PTPRM: variants seen among roughly 807,000 people sequenced by gnomAD.
PTPRM encodes receptor-type tyrosine-protein phosphatase mu.
In PTPRM, 47 loss-of-function variants were observed where a neutral mutation model predicts 186.7. The observed-to-expected ratio is 0.25, with a 90% CI of 0.20 to 0.32. The LOEUF (loss-of-function observed/expected upper bound fraction) is 0.32. Ranked by LOEUF, PTPRM falls within the 10% of genes least tolerant of loss-of-function variation. The probability of loss-of-function intolerance (pLI) is 1.00; values close to 1 mark genes in which losing one functional copy is unlikely to be tolerated. For missense variants in PTPRM, 1,494 were observed against 1,865.0 expected (o/e 0.80, Z 3.66); for synonymous variants, 668 against 674.9 (o/e 0.99, Z 0.16).
intron 2 of PTPRM, among the ~76,000 whole-genome samples, chr18:7,848,286 T>C (rs1288066048): frequency 6.6e-6 from 1 of 152,232 alleles, no homozygotes; most frequent in Non-Finnish European, 1.5e-5. Context: ...GCCAGGCAGC[T>C]GTAAGAGATT....
At chr18:7,959,647 T>G (rs2053539786) in intron 7 of PTPRM, among the ~76,000 whole-genome samples, 3 of 152,218 alleles carry the variant, frequency 2.0e-5, no homozygotes, top group South Asian at 4.1e-4. Flanking sequence ...AAGCTCTCCA[T>G]GCAAGACCTT....
intron 4 of PTPRM, among the ~76,000 whole-genome samples, chr18:7,911,431 T>C (rs2050258358): frequency 6.6e-6 from 1 of 152,248 alleles, no homozygotes; most frequent in Admixed American, 6.5e-5. Context: ...ATAGCCATCC[T>C]TGTGGGTTTC....
intron 14 of PTPRM, among the ~76,000 whole-genome samples, chr18:8,212,510 A>T (rs2094020359): frequency 6.6e-6 from 1 of 152,224 alleles, no homozygotes; most frequent in Non-Finnish European, 1.5e-5. Flanking sequence ...AGAAATTATA[A>T]AATTATCTAT....
intron 14 of PTPRM, among the ~76,000 whole-genome samples, chr18:8,183,599 A>T (rs1325013279): frequency 2.6e-5 from 4 of 152,166 alleles, no homozygotes; most frequent in Non-Finnish European, 5.9e-5. Flanking sequence ...GCAGGAATAT[A>T]TGTATTGAGT....
intron 7 of PTPRM, among the ~76,000 whole-genome samples, chr18:8,016,165 G>A (rs2084844604): frequency 6.6e-6 from 1 of 152,160 alleles, no homozygotes; most frequent in Admixed American, 6.5e-5. Flanking sequence ...GGAAGAAAAT[G>A]GGTGATCAAG....
chr18:8,028,038 G>A (rs963701836), intron 7 of PTPRM, among the ~76,000 whole-genome samples: 3 of 152,000 alleles, frequency 2.0e-5, no homozygotes, highest in African/African-American at 7.3e-5. Flanking sequence ...GTCTCACCCT[G>A]TCACCCAGGC....
intron 2 of PTPRM, among the ~76,000 whole-genome samples, chr18:7,822,040 A>G (rs903589515): frequency 6.6e-6 from 1 of 152,234 alleles, no homozygotes; most frequent in Non-Finnish European, 1.5e-5. Flanking sequence ...TTATAAATAT[A>G]GCTGCTTAAG....
intron 19 of PTPRM, among the ~76,000 whole-genome samples, chr18:8,281,595 T>G (rs1428073549): frequency 1.3e-5 from 2 of 152,138 alleles, no homozygotes; most frequent in Admixed American, 6.6e-5. Flanking sequence ...CTCAACTCTT[T>G]CCGCAACCCT....
intron 3 of PTPRM, among the ~76,000 whole-genome samples, chr18:7,896,249 G>A (rs539780259): frequency 3.3e-5 from 5 of 152,042 alleles, no homozygotes; most frequent in East Asian, 1.9e-4. Flanking sequence ...TCATGTACTC[G>A]CCCTTTTGCT....
rs764330477 is a variant in PTPRM, at chr18:8,113,777, C to G, written c.2130+18C>G. 1.9e-6 allele frequency: 3 copies of G among 1,596,278 alleles called. No homozygotes were observed. In the East Asian group the frequency reaches 6.7e-5, roughly 36 times the overall value. Reference sequence around the variant, plus strand: ...CCAATGGGGTAAGTTGTACAGATAACTGTTTACTTAGGCTATTTGGGGTTG... The same window carrying G: ...CCAATGGGGTAAGTTGTACAGATAAGTGTTTACTTAGGCTATTTGGGGTTG... On this transcript the variant is annotated intron_variant, in intron 12 of 32. Transcript: ENST00000580170.
chr18:7,944,494 C>T (rs966682202), intron 5 of PTPRM, among the ~76,000 whole-genome samples: 1 of 152,184 alleles, frequency 6.6e-6, no homozygotes, highest in Non-Finnish European at 1.5e-5. Context: ...CTTCCATTCC[C>T]AGCATCAGAA....
intron 13 of PTPRM, among the ~76,000 whole-genome samples, chr18:8,135,871 A>G (rs1262184069): frequency 2.0e-5 from 3 of 152,222 alleles, no homozygotes; most frequent in Non-Finnish European, 2.9e-5. Flanking sequence ...TAGCAAGCAT[A>G]CAGAATAGAC....
At chr18:7,688,677 G>T (rs936926857) in intron 1 of PTPRM, among the ~76,000 whole-genome samples, 7 of 152,190 alleles carry the variant, frequency 4.6e-5, no homozygotes, top group Non-Finnish European at 1.0e-4. Flanking sequence ...CCAGGGATTT[G>T]CTGTAAGGTG....
At chr18:8,348,393 G>A (rs2095517035) in intron 23 of PTPRM, among the ~76,000 whole-genome samples, 2 of 152,196 alleles carry the variant, frequency 1.3e-5, no homozygotes, top group South Asian at 4.1e-4. Flanking sequence ...CGGGGTCCCC[G>A]GTACATCTGA....
intron 11 of PTPRM, among the ~76,000 whole-genome samples, chr18:8,095,352 G>A (rs1260388679): frequency 1.3e-5 from 2 of 152,082 alleles, no homozygotes; most frequent in African/African-American, 4.8e-5. Flanking sequence ...AGGGAGGTTA[G>A]ATATGTGGCA....
chr18:8,297,996 T>TGGACACTGA (rs2095115356), intron 20 of PTPRM, among the ~76,000 whole-genome samples: 1 of 152,180 alleles, frequency 6.6e-6, no homozygotes, highest in African/African-American at 2.4e-5. Flanking sequence ...TTCTTGATAC[T>TGGACACTGA]GGACACTGAG....
intron 23 of PTPRM, among the ~76,000 whole-genome samples, chr18:8,363,830 A>C (rs1393067046): frequency 5.3e-5 from 8 of 152,246 alleles, no homozygotes; most frequent in Non-Finnish European, 1.2e-4. Flanking sequence ...GTAGGATAAC[A>C]CTTAAAATTC....
intron 20 of PTPRM, among the ~76,000 whole-genome samples, chr18:8,297,032 G>A (rs1235998213): frequency 1.3e-5 from 2 of 152,104 alleles, no homozygotes; most frequent in African/African-American, 2.4e-5. Context: ...TGCCTTGGAT[G>A]GTTTCTAAGT....
chr18:7,647,123 T>C (rs2038584341), intron 1 of PTPRM, among the ~76,000 whole-genome samples: 1 of 152,166 alleles, frequency 6.6e-6, no homozygotes, highest in South Asian at 2.1e-4. Flanking sequence ...TACCATTTTC[T>C]TATGTATTTA....
Sources: allele counts gnomAD v4.1 joint callset (sites outside exome capture counted in the v4.1 genomes callset), GRCh38; gene constraint gnomAD v4.1.1; transcripts MANE v1.5; gene names NCBI Gene and HGNC (gene_info 2026-07-23, HGNC 2026-07-21).